KCNIP4: variants seen among roughly 807,000 people sequenced by gnomAD.
KCNIP4 encodes the protein potassium voltage-gated channel interacting protein 4.
A neutral mutation model predicts 34.0 loss-of-function variants in KCNIP4; 12 were observed. The ratio of observed to expected loss-of-function variants is 0.35; its 90% CI spans 0.23 to 0.57. The LOEUF (loss-of-function observed/expected upper bound fraction) is 0.57. Among genes scored for constraint, KCNIP4 ranks in the 20% least tolerant of loss-of-function variants. The probability of loss-of-function intolerance (pLI) is 0.83; values close to 1 mark genes in which losing one functional copy is unlikely to be tolerated. For synonymous variants in KCNIP4, 124 were observed against 102.2 expected (o/e 1.21, Z -1.29); for missense variants, 238 against 311.7 (o/e 0.76, Z 1.78).
intron 1 of KCNIP4, among the ~76,000 whole-genome samples, chr4:21,938,790 T>C (rs1730034687): frequency 6.6e-6 from 1 of 152,108 alleles, no homozygotes; most frequent in South Asian, 2.1e-4. Context: ...TAATACACAA[T>C]TTGGGTCAAG....
intron 1 of KCNIP4, among the ~76,000 whole-genome samples, chr4:21,323,086 T>C (rs902119264): frequency 2.0e-5 from 3 of 151,126 alleles, no homozygotes; most frequent in African/African-American, 7.3e-5. Flanking sequence ...TTTCATCAAA[T>C]GTTGAAGTAT....
chr4:21,157,779 AAAAAG>A (rs1753251443), intron 1 of KCNIP4, among the ~76,000 whole-genome samples: 1 of 152,176 alleles, frequency 6.6e-6, no homozygotes, highest in South Asian at 2.1e-4. Flanking sequence ...ATTTAATTAG[AAAAAG>A]AAGAGTAAAT....
chr4:21,442,336 C>T (rs1727557051), intron 1 of KCNIP4, among the ~76,000 whole-genome samples: 1 of 152,172 alleles, frequency 6.6e-6, no homozygotes, highest in East Asian at 1.9e-4. Context: ...TTTTTATCCA[C>T]TGGGGTAATC....
At chr4:21,837,405 G>T (rs1723398600) in intron 1 of KCNIP4, among the ~76,000 whole-genome samples, 1 of 149,822 alleles carries the variant, frequency 6.7e-6, no homozygotes, top group African/African-American at 2.4e-5. Context: ...TGTGGTGGTG[G>T]GCACCTGTAA....
At chr4:20,959,095 C>T (rs538573980) in intron 1 of KCNIP4, among the ~76,000 whole-genome samples, 3 of 152,240 alleles carry the variant, frequency 2.0e-5, no homozygotes, top group African/African-American at 7.2e-5. Flanking sequence ...TAGTCGGTAA[C>T]ACTGAAGAGG....
intron 1 of KCNIP4, among the ~76,000 whole-genome samples, chr4:21,752,313 A>G (rs1159715378): frequency 1.3e-5 from 2 of 152,146 alleles, no homozygotes; most frequent in African/African-American, 2.4e-5. Context: ...GAAACTTACA[A>G]TCATGGTGAA....
chr4:21,137,787 T>C (rs1269260290), intron 1 of KCNIP4, among the ~76,000 whole-genome samples: 1 of 152,014 alleles, frequency 6.6e-6, no homozygotes, highest in African/African-American at 2.4e-5. Context: ...ATAAAAACTC[T>C]AGATGTTATT....
intron 1 of KCNIP4, among the ~76,000 whole-genome samples, chr4:21,068,366 C>G (rs147742692): frequency 2.0e-5 from 3 of 152,252 alleles, no homozygotes; most frequent in Admixed American, 6.5e-5. Context: ...CAAGTCATCA[C>G]CTCCTCAAAA....
intron 1 of KCNIP4, among the ~76,000 whole-genome samples, chr4:21,542,301 G>C (rs1737775336): frequency 6.6e-6 from 1 of 152,070 alleles, no homozygotes; most frequent in African/African-American, 2.4e-5. Flanking sequence ...TGGATGGACT[G>C]CTCATTTCAA....
chr4:20,977,186 T>C (rs1313557466), intron 1 of KCNIP4, among the ~76,000 whole-genome samples: 1 of 152,172 alleles, frequency 6.6e-6, no homozygotes, highest in Non-Finnish European at 1.5e-5. Context: ...CCAGCTAATA[T>C]GAGTAACAGC....
At chr4:20,823,656 G>C (rs1717380222) in intron 3 of KCNIP4, among the ~76,000 whole-genome samples, 1 of 152,162 alleles carries the variant, frequency 6.6e-6, no homozygotes, top group Admixed American at 6.5e-5. Flanking sequence ...CCAGACATAG[G>C]ATCTGCTGGA....
intron 1 of KCNIP4, among the ~76,000 whole-genome samples, chr4:21,102,562 A>T (rs1368644): frequency 0.068 from 10,388 of 152,280 alleles, 480 homozygotes; most frequent in East Asian, 0.18. Context: ...AGTTTTCAGC[A>T]TAGCTGAAGT....
At chr4:21,891,307 C>G (rs187035387) in intron 1 of KCNIP4, among the ~76,000 whole-genome samples, 2 of 152,086 alleles carry the variant, frequency 1.3e-5, no homozygotes, top group African/African-American at 2.4e-5. Context: ...CTCACCTCCC[C>G]CCTTGCTCCT....
chr4:21,380,309 G>T (rs959177692), intron 1 of KCNIP4, among the ~76,000 whole-genome samples: 2 of 151,774 alleles, frequency 1.3e-5, no homozygotes, highest in Non-Finnish European at 2.9e-5. Flanking sequence ...TATTTACTTT[G>T]ATCATATTCT....
intron 6 of KCNIP4, among the ~76,000 whole-genome samples, chr4:20,733,578 T>C (rs1266173917): frequency 6.6e-6 from 1 of 152,176 alleles, no homozygotes; most frequent in African/African-American, 2.4e-5. Context: ...GTTTTAAGCA[T>C]AGATAAGTAG....
chr4:21,176,582 G>A (rs1198513710), intron 1 of KCNIP4, among the ~76,000 whole-genome samples: 2 of 152,116 alleles, frequency 1.3e-5, no homozygotes, highest in Non-Finnish European at 2.9e-5. Flanking sequence ...GAGTGCAATG[G>A]CACAGTCTTG....
chr4:21,360,630 T>C (rs1369168588), intron 1 of KCNIP4, among the ~76,000 whole-genome samples: 1 of 152,106 alleles, frequency 6.6e-6, no homozygotes, highest in Non-Finnish European at 1.5e-5. Context: ...CTTCTTCATG[T>C]ACCTTATCAT....
chr4:21,108,059 G>T (rs147216662), intron 1 of KCNIP4, among the ~76,000 whole-genome samples: 21,684 of 150,792 alleles, frequency 0.14, 2,337 homozygotes, highest in African/African-American at 0.27. Flanking sequence ...CAACTTCAGT[G>T]AATCTGACAA....
intron 1 of KCNIP4, among the ~76,000 whole-genome samples, chr4:21,647,820 CT>C (rs1747136301): frequency 1.3e-5 from 2 of 149,382 alleles, no homozygotes; most frequent in Non-Finnish European, 3.0e-5. Context: ...TCACCACAGG[CT>C]CCTCAGGCCT....
Sources: gnomAD v4.1 joint callset for allele counts (sites outside exome capture counted in the v4.1 genomes callset) on GRCh38, gnomAD v4.1.1 for gene constraint, MANE v1.5 for transcripts, NCBI Gene and HGNC (gene_info 2026-07-23, HGNC 2026-07-21) for gene names.